The following TPD52 variants were observed in gnomAD, a reference collection of about 807,000 sequenced individuals.
TPD52 encodes prostate and colon associated protein.
Under a neutral mutation model 31.3 loss-of-function variants are expected in TPD52, and 17 were observed. The observed-to-expected ratio is 0.54, with a 90% CI of 0.37 to 0.82. The LOEUF (loss-of-function observed/expected upper bound fraction) is 0.82, where lower values mean the gene tolerates loss of function less well. Ranked by LOEUF, TPD52 falls within the 40% of genes least tolerant of loss-of-function variation. The pLI, the probability that TPD52 is intolerant of heterozygous loss-of-function variation, is 0.00. For synonymous variants in TPD52, 83 were observed against 89.6 expected, an observed-to-expected ratio of 0.93 and a Z score of 0.42; for missense variants, 212 against 240.1, an observed-to-expected ratio of 0.88 and a Z score of 0.77.
intron 1 of TPD52, among the ~76,000 whole-genome samples, chr8:80,101,380 G>A (rs1806721217): frequency 6.6e-6 from 1 of 150,434 alleles, no homozygotes; most frequent in Non-Finnish European, 1.5e-5. Flanking sequence ...CCCGGGAGGT[G>A]GAGGTTGCAG....
At chr8:80,068,737 T>TC (rs2130728104) in intron 1 of TPD52, among the ~76,000 whole-genome samples, 1 of 152,284 alleles carries the variant, frequency 6.6e-6, no homozygotes, top group East Asian at 1.9e-4. Flanking sequence ...GCAATGCATC[T>TC]CGCTGATTCC....
intron 1 of TPD52, among the ~76,000 whole-genome samples, chr8:80,161,734 T>A (rs3053770): frequency 0.058 from 2,671 of 45,996 alleles, 30 homozygotes; most frequent in Non-Finnish European, 0.075. Flanking sequence ...ATATATATAT[T>A]TTTTTTTTTT....
chr8:80,141,235 C>T (rs1039546319), intron 1 of TPD52, among the ~76,000 whole-genome samples: 3 of 152,178 alleles, frequency 2.0e-5, no homozygotes, highest in Non-Finnish European at 4.4e-5. Context: ...CTACAGACGC[C>T]CTGTACCTTT....
At chr8:80,061,225 G>A (rs1225939255) in intron 2 of TPD52, among the ~76,000 whole-genome samples, 1 of 151,870 alleles carries the variant, frequency 6.6e-6, no homozygotes, top group South Asian at 2.1e-4. Context: ...TTAGCCGGGC[G>A]TAGTGGCACA....
At chr8:80,132,884 G>A (rs1271968582) in intron 1 of TPD52, among the ~76,000 whole-genome samples, 1 of 152,160 alleles carries the variant, frequency 6.6e-6, no homozygotes. Flanking sequence ...AAGAAAGGAA[G>A]GGGCAAAAGG....
intron 6 of TPD52, among the ~76,000 whole-genome samples, chr8:80,043,087 C>A (rs940387387): frequency 3.9e-5 from 6 of 152,156 alleles, no homozygotes; most frequent in African/African-American, 7.2e-5. Context: ...TCTTCCCTGG[C>A]AGAATTTCTA....
chr8:80,122,992 A>G (rs193037018), intron 1 of TPD52: 7 of 152,540 alleles, frequency 4.6e-5, no homozygotes, highest in African/African-American at 1.7e-4. Context: ...GCAGGTCAGC[A>G]GTGGGGCATG....
At chr8:80,135,881 A>G (rs1809354164) in intron 1 of TPD52, among the ~76,000 whole-genome samples, 1 of 138,558 alleles carries the variant, frequency 7.2e-6, no homozygotes, top group South Asian at 2.5e-4. Context: ...CTATCACAAG[A>G]ACAAAAAACC....
downstream of TPD52, among the ~76,000 whole-genome samples, chr8:80,031,971 G>A (rs1809703785): frequency 6.6e-6 from 1 of 151,990 alleles, no homozygotes; most frequent in Non-Finnish European, 1.5e-5. Flanking sequence ...TGGCCAACAT[G>A]GTGAAACCCT....
chr8:80,144,543 G>T (rs76251603), intron 1 of TPD52, among the ~76,000 whole-genome samples: 2,402 of 152,246 alleles, frequency 0.016, 34 homozygotes, highest in Non-Finnish European at 0.026. Context: ...GCCCTTCAGC[G>T]CTATGAAAGA....
At chr8:80,162,717 C>A (rs1811440002) in intron 1 of TPD52, among the ~76,000 whole-genome samples, 1 of 151,910 alleles carries the variant, frequency 6.6e-6, no homozygotes. Context: ...GGGTTAATAT[C>A]CAGAACATAT....
At chr8:80,146,252 C>A (rs1435136122) in intron 1 of TPD52, among the ~76,000 whole-genome samples, 1 of 152,182 alleles carries the variant, frequency 6.6e-6, no homozygotes, top group African/African-American at 2.4e-5. Context: ...GGATGTATAG[C>A]CCCTGGAAGT....
intron 7 of TPD52, among the ~76,000 whole-genome samples, chr8:80,039,104 A>G (rs191110989): frequency 6.6e-6 from 1 of 152,346 alleles, no homozygotes; most frequent in East Asian, 1.9e-4. Flanking sequence ...CCTTGCTCTT[A>G]GCTCAATCTT....
chr8:80,141,852 G>A (rs1422455682), intron 1 of TPD52, among the ~76,000 whole-genome samples: 2 of 152,080 alleles, frequency 1.3e-5, no homozygotes, highest in Non-Finnish European at 2.9e-5. Context: ...AGAGGTTGCA[G>A]TGAGCTGAGA....
At chr8:80,097,844 TAGAG>T (rs1806447773) in intron 1 of TPD52, among the ~76,000 whole-genome samples, 2 of 152,326 alleles carry the variant, frequency 1.3e-5, no homozygotes, top group South Asian at 4.2e-4. Flanking sequence ...CTTGCAAAGT[TAGAG>T]AGGAGAAGTC....
At chr8:80,120,054 A>G (rs539925548) in intron 1 of TPD52, among the ~76,000 whole-genome samples, 1 of 152,342 alleles carries the variant, frequency 6.6e-6, no homozygotes, top group South Asian at 2.1e-4. Flanking sequence ...ATAGAATAGC[A>G]CAAGTTAAAA....
At chr8:80,119,979 T>C in intron 1 of TPD52, 1 of 246,544 alleles carries the variant, frequency 4.1e-6, no homozygotes, top group Non-Finnish European at 8.2e-6. Flanking sequence ...CTCTCTGGGA[T>C]AAAAAACTCA....
Position 80,079,186 on chromosome 8 carries a change from C to A in TPD52, c.20-14593G>T, listed in dbSNP as rs146409449. Among the ~76,000 whole-genome samples the A allele has an allele frequency of 3.0e-4, 45 of 152,296 alleles. 1 individual carries two copies. The highest frequency in any genetic ancestry group is 3.4e-3 in the Middle Eastern group (1 of 294). On this transcript the variant is annotated intron_variant, in intron 1 of 7. Coordinates refer to ENST00000518937, the MANE Select transcript of TPD52 (RefSeq NM_001025253.3). ...GCTGGGCAAAGGGGGAGCCCAGGCC[C>A]CTTTATTACAGAGGTCTGAGGGGGG...
At chr8:80,121,467 G>T (rs992925729) in intron 1 of TPD52, among the ~76,000 whole-genome samples, 1 of 152,156 alleles carries the variant, frequency 6.6e-6, no homozygotes, top group Non-Finnish European at 1.5e-5. Flanking sequence ...AGAGTTTTAG[G>T]GTTACTCTTA....
Sources: allele counts gnomAD v4.1 joint callset (sites outside exome capture counted in the v4.1 genomes callset), GRCh38; gene constraint gnomAD v4.1.1; transcripts MANE v1.5; gene names NCBI Gene and HGNC (gene_info 2026-07-23, HGNC 2026-07-21).